Variants in ATRNL1 observed in about 807,000 individuals in gnomAD.
ATRNL1 encodes attractin like 1.
Under a neutral mutation model 182.7 loss-of-function variants are expected in ATRNL1, and 95 were observed. The observed-to-expected ratio is 0.52, with a 90% confidence interval of 0.44 to 0.62. The LOEUF (loss-of-function observed/expected upper bound fraction) is 0.62. Ranked by LOEUF, ATRNL1 falls within the 20% of genes least tolerant of loss-of-function variation. The pLI is 0.00. For missense variants in ATRNL1, 1,471 were observed against 1,679.5 expected (o/e 0.88, Z 2.17); for synonymous variants, 576 against 568.3 (o/e 1.01, Z -0.19).
At chr10:115,655,975 CTT>C (rs1399254155) in intron 26 of ATRNL1, among the ~76,000 whole-genome samples, 1 of 152,138 alleles carries the variant, frequency 6.6e-6, no homozygotes, top group African/African-American at 2.4e-5. Flanking sequence ...CCTAAATACT[CTT>C]TATTTGCACA....
intron 21 of ATRNL1, among the ~76,000 whole-genome samples, chr10:115,429,908 A>T (rs1554963645): frequency 6.6e-6 from 1 of 152,116 alleles, no homozygotes; most frequent in African/African-American, 2.4e-5. Context: ...TCTACTAAAA[A>T]TACAAAAACA....
chr10:115,157,574 T>C (rs1404703541), intron 5 of ATRNL1, among the ~76,000 whole-genome samples: 16 of 152,234 alleles, frequency 1.1e-4, no homozygotes, highest in African/African-American at 3.6e-4. Context: ...TGCCTGTTCC[T>C]CTATCTTCAG....
chr10:115,915,208 G>A (rs1168262829), intron 28 of ATRNL1, among the ~76,000 whole-genome samples: 3 of 152,004 alleles, frequency 2.0e-5, no homozygotes, highest in East Asian at 3.9e-4. Flanking sequence ...TCATCCTGGC[G>A]AACACTGTGA....
chr10:115,170,552 A>G (rs1193912345), intron 7 of ATRNL1, among the ~76,000 whole-genome samples: 2 of 152,158 alleles, frequency 1.3e-5, no homozygotes, highest in African/African-American at 4.8e-5. Flanking sequence ...TGAGAATAGC[A>G]CAAAGCTACT....
chr10:115,417,454 C>G (rs1310365207), intron 20 of ATRNL1, among the ~76,000 whole-genome samples: 4 of 152,192 alleles, frequency 2.6e-5, no homozygotes, highest in Non-Finnish European at 4.4e-5. Flanking sequence ...TGTCATCTCA[C>G]AGCACATCCT....
chr10:115,190,190 C>T (rs1470998821), intron 8 of ATRNL1, among the ~76,000 whole-genome samples: 2 of 152,120 alleles, frequency 1.3e-5, no homozygotes, highest in African/African-American at 4.8e-5. Context: ...TTAAGGAACA[C>T]ACGACTTTAT....
At chr10:115,354,892 C>A (rs1385921628) in intron 19 of ATRNL1, among the ~76,000 whole-genome samples, 1 of 151,822 alleles carries the variant, frequency 6.6e-6, no homozygotes, top group Non-Finnish European at 1.5e-5. Flanking sequence ...TCTTTTAAAT[C>A]TATTTTCATA....
chr10:115,201,839 G>A (rs1177650824), intron 8 of ATRNL1, among the ~76,000 whole-genome samples: 8 of 152,124 alleles, frequency 5.3e-5, no homozygotes, highest in Admixed American at 5.2e-4. Context: ...CCATTTTCAC[G>A]ATATTGATTC....
At chr10:115,910,724 T>C (rs2134521526) in intron 28 of ATRNL1, among the ~76,000 whole-genome samples, 1 of 152,308 alleles carries the variant, frequency 6.6e-6, no homozygotes, top group East Asian at 1.9e-4. Context: ...GTTAAATGAC[T>C]ACAGTGCCTG....
At chr10:115,724,401 C>T (rs1038266671) in intron 26 of ATRNL1, among the ~76,000 whole-genome samples, 13 of 151,912 alleles carry the variant, frequency 8.6e-5, no homozygotes, top group African/African-American at 2.9e-4. Context: ...ATTAGTGTGC[C>T]GTCTTCTGAG....
chr10:115,880,236 A>C (rs1555108216), intron 28 of ATRNL1, among the ~76,000 whole-genome samples: 1 of 152,212 alleles, frequency 6.6e-6, no homozygotes, highest in Admixed American at 6.5e-5. Context: ...CAGAGATCTG[A>C]GACAGTGGGG....
intron 26 of ATRNL1, among the ~76,000 whole-genome samples, chr10:115,712,004 A>C (rs1433132184): frequency 6.6e-6 from 1 of 152,172 alleles, no homozygotes; most frequent in Non-Finnish European, 1.5e-5. Flanking sequence ...TTGTGAGTTA[A>C]AAATTCTTCA....
chr10:115,312,377 T>C (rs1336485925), intron 17 of ATRNL1, among the ~76,000 whole-genome samples: 3 of 152,192 alleles, frequency 2.0e-5, no homozygotes, highest in African/African-American at 7.2e-5. Flanking sequence ...TTAGTTTTGC[T>C]GGATACAAAA....
chr10:115,730,796 T>C (rs964154666), intron 27 of ATRNL1, among the ~76,000 whole-genome samples: 2 of 152,198 alleles, frequency 1.3e-5, no homozygotes, highest in African/African-American at 2.4e-5. Context: ...TAGTTGTGTA[T>C]ATGTATATAT....
In ATRNL1 at chr10:115,847,956, G is replaced by A. The variant is rs1275667505; in HGVS notation, c.3983G>A (p.Arg1328Gln). 5 of 1,612,052 alleles carry A rather than the reference G, an allele frequency of 3.1e-6. No individual in the cohort carries two copies. Among genetic ancestry groups the A allele is most frequent in the African/African-American group, 1.3e-5 (1 of 74,838 alleles). ...AVLTVFLCLPRGSSGAPPPGQ... is the reference protein window; with the variant it reads ...AVLTVFLCLPQGSSGAPPPGQ... ...CTGACTGTGTTTCTTTGTCTACCACGAGGATCATCAGGTGCCCCTCCCCCT... is the reference window on the plus strand; with the variant it reads ...CTGACTGTGTTTCTTTGTCTACCACAAGGATCATCAGGTGCCCCTCCCCCT... The change falls in exon 28 of 29, where the codon CGA becomes CAA. Residue 1328 changes from arginine to glutamine, a missense_variant. Physicochemically the swap from Arg to Gln is conservative, Grantham distance 43. This residue lies in a region of ATRNL1 where 437 missense variants were observed against 506.0 expected (regional missense o/e 0.86). Coordinates refer to ENST00000355044, the MANE Select transcript of ATRNL1 (RefSeq NM_207303.4).
At chr10:115,533,439 A>G (rs7904384) in intron 25 of ATRNL1, among the ~76,000 whole-genome samples, 104,885 of 140,350 alleles carry the variant, frequency 0.75, 37,374 homozygotes, top group African/African-American at 0.81. Flanking sequence ...CTGTGGGATC[A>G]GTGGTGATAT....
intron 15 of ATRNL1, among the ~76,000 whole-genome samples, chr10:115,289,323 C>A (rs1852782023): frequency 2.0e-5 from 3 of 152,250 alleles, no homozygotes; most frequent in South Asian, 4.1e-4. Context: ...ATATAATCTC[C>A]CTTTCTGTAG....
rs147215390 is a variant in ATRNL1, at chr10:115,386,054, A to G, written c.3176-8605A>G. Among the ~76,000 whole-genome samples the G allele has an allele frequency of 6.2e-4, 94 of 152,160 alleles. 2 individuals carry two copies. In the East Asian group the frequency reaches 0.016, roughly 26 times the overall value. Reference sequence around the variant, plus strand: ...TTTTTCTTCATGTTTTAAGATGTATATAAGTTTTAGAAGTAGCTTGCAAGT... The same window carrying G: ...TTTTTCTTCATGTTTTAAGATGTATGTAAGTTTTAGAAGTAGCTTGCAAGT... On this transcript the variant is annotated intron_variant, in intron 19 of 28. Transcript: ENST00000355044.
chr10:115,658,621 T>C (rs1008260155), intron 26 of ATRNL1, among the ~76,000 whole-genome samples: 1 of 151,994 alleles, frequency 6.6e-6, no homozygotes, highest in Non-Finnish European at 1.5e-5. Flanking sequence ...CCCTATCTGG[T>C]CAGGAGGATA....
Sources: gnomAD v4.1 joint callset for allele counts (sites outside exome capture counted in the v4.1 genomes callset) on GRCh38, gnomAD v4.1.1 for gene constraint, gnomAD v4.1.1 regional missense constraint, MANE v1.5 for transcripts, NCBI Gene and HGNC (gene_info 2026-07-23, HGNC 2026-07-21) for gene names.